Variants in NUCKS1 observed in about 807,000 individuals in gnomAD.
NUCKS1 encodes nuclear ubiquitous casein and cyclin-dependent kinase substrate 1.
NUCKS1 carries 2 observed loss-of-function variants against 33.0 expected under a neutral mutation model. The observed-to-expected ratio is 0.06, with a 90% CI of 0.02 to 0.19. The LOEUF (loss-of-function observed/expected upper bound fraction) is 0.19, where lower values mean the gene tolerates loss of function less well. Ranked by LOEUF, NUCKS1 falls within the 10% of genes least tolerant of loss-of-function variation. NUCKS1 has a pLI of 1.00. For missense variants in NUCKS1, 201 were observed against 293.6 expected (o/e 0.68, Z 2.31); for synonymous variants, 106 against 102.8 (o/e 1.03, Z -0.19).
chr1:205,744,040 G>T (rs1359808788), intron 1 of NUCKS1, among the ~76,000 whole-genome samples: 2 of 152,072 alleles, frequency 1.3e-5, no homozygotes, highest in Admixed American at 1.3e-4. Flanking sequence ...TACTCCACTG[G>T]TTTTTCCTCC....
chr1:205,744,676 A>C (rs1188368674), intron 1 of NUCKS1, among the ~76,000 whole-genome samples: 2 of 103,700 alleles, frequency 1.9e-5, no homozygotes, highest in African/African-American at 7.7e-5. Flanking sequence ...CTTGTTGCCC[A>C]GGCTCCAGTG....
Position 205,718,191 on chromosome 1 carries a change from T to A in NUCKS1, c.*89A>T. The stretch of plus-strand genomic sequence containing the variant: ...AAGCCATAGCCAAAACCATGTTCTA[T>A]CTTAAGTAGGTTCTTTTTTTTCCTC... On this transcript the variant is annotated 3_prime_UTR_variant, in exon 7 of 7. Coordinates refer to ENST00000367142, the MANE Select transcript of NUCKS1 (RefSeq NM_022731.5). 1.3e-6 allele frequency: 2 copies of A among 1,492,790 alleles called. No homozygotes were observed. The highest frequency in any genetic ancestry group is 2.9e-5 in the South Asian group (2 of 67,958). 92.5% of individuals were successfully genotyped at this position (1,492,790 alleles called of 1,614,324 possible).
chr1:205,735,532 A>C (rs1443162966), intron 1 of NUCKS1, among the ~76,000 whole-genome samples: 2 of 152,226 alleles, frequency 1.3e-5, no homozygotes, highest in African/African-American at 4.8e-5. Context: ...GGACAGCATA[A>C]AATTTCAATA....
At chr1:205,727,376 A>T (rs541294323) in intron 3 of NUCKS1, among the ~76,000 whole-genome samples, 1 of 152,344 alleles carries the variant, frequency 6.6e-6, no homozygotes, top group Admixed American at 6.5e-5. Context: ...AGGAGAATTG[A>T]TTATGAGACA....
At chr1:205,724,699 C>G (rs1653682884) in intron 3 of NUCKS1, among the ~76,000 whole-genome samples, 1 of 151,544 alleles carries the variant, frequency 6.6e-6, no homozygotes, top group Non-Finnish European at 1.5e-5. Flanking sequence ...ATCCCCACCC[C>G]CCCCAAAAAA....
Position 205,713,432 on chromosome 1 carries a change from C to T in NUCKS1, c.*4848G>A, listed in dbSNP as rs1671776358. On this transcript the variant is annotated 3_prime_UTR_variant, in exon 7 of 7. Coordinates refer to ENST00000367142, the MANE Select transcript of NUCKS1 (RefSeq NM_022731.5). ...AGAGCTCAGGAGCAGACACGCAGTC[C>T]TGGAAACCCTTCAATAAAAGCAAAG... 1 of 152,064 alleles carries T rather than the reference C, an allele frequency of 6.6e-6. No individual in the cohort carries two copies. 9.4% of individuals were successfully genotyped at this position (152,064 alleles called of 1,614,324 possible). A position where few individuals can be genotyped will look rare whatever the true frequency, so the allele number is the denominator to read the frequency against.
intron 1 of NUCKS1, among the ~76,000 whole-genome samples, chr1:205,746,481 ACACACAC>A (rs1434249133): frequency 7.0e-6 from 1 of 143,428 alleles, no homozygotes; most frequent in African/African-American, 2.5e-5. Context: ...ACACACACAC[ACACACAC>A]TAGAGAATAA....
At chr1:205,747,328 A>G (rs935063071) in intron 1 of NUCKS1, among the ~76,000 whole-genome samples, 5 of 152,218 alleles carry the variant, frequency 3.3e-5, no homozygotes, top group African/African-American at 1.2e-4. Flanking sequence ...TCCAAGGCTA[A>G]TTTTAAGCTA....
intron 5 of NUCKS1, among the ~76,000 whole-genome samples, chr1:205,720,260 T>C (rs1377450168): frequency 6.6e-6 from 1 of 152,222 alleles, no homozygotes; most frequent in Admixed American, 6.5e-5. Flanking sequence ...ATTCAGTGTT[T>C]GAACACAGAC....
chr1:205,744,279 T>C (rs1039166476), intron 1 of NUCKS1, among the ~76,000 whole-genome samples: 2 of 152,206 alleles, frequency 1.3e-5, no homozygotes, highest in Admixed American at 1.3e-4. Context: ...CATCTCTTAA[T>C]AGTTAGGTGA....
Position 205,749,983 on chromosome 1 carries a change from C to G in NUCKS1, c.-10G>C, listed in dbSNP as rs1241102465. ...TGACAGGCCGCGACATGTTCGCTGT[C>G]GAAACAGGACCGAGTCGAGAAGCCA... On this transcript the variant is annotated 5_prime_UTR_variant, in exon 1 of 7. Transcript: ENST00000367142. The G allele has an allele frequency of 1.7e-5, 28 of 1,601,340 alleles. No individual in the cohort carries two copies. The highest frequency in any genetic ancestry group is 2.4e-5 in the Non-Finnish European group (28 of 1,172,872).
intron 1 of NUCKS1, among the ~76,000 whole-genome samples, chr1:205,732,480 C>T (rs1653938823): frequency 6.6e-6 from 1 of 152,032 alleles, no homozygotes; most frequent in African/African-American, 2.4e-5. Context: ...CTGAACTATA[C>T]ACTTAAAAAT....
At chr1:205,742,225 T>C (rs1188995723) in intron 1 of NUCKS1, among the ~76,000 whole-genome samples, 1 of 152,306 alleles carries the variant, frequency 6.6e-6, no homozygotes, top group East Asian at 1.9e-4. Flanking sequence ...GAAATCTCCC[T>C]GAAGATCGCC....
Position 205,717,467 on chromosome 1 carries a change from T to C in NUCKS1, c.*813A>G, listed in dbSNP as rs1671843239. 1 of 981,284 alleles carries C rather than the reference T, an allele frequency of 1.0e-6. No individual in the cohort carries two copies. The highest frequency in any genetic ancestry group is 1.8e-5 in the African/African-American group (1 of 56,420). 60.8% of individuals were successfully genotyped at this position (981,284 alleles called of 1,614,324 possible). A position where few individuals can be genotyped will look rare whatever the true frequency, so the allele number is the denominator to read the frequency against. ...ATACATATATATTTAGAGAAGGAAA[T>C]ATGAAATCAAGAGTTTTGGCAGCCC... On this transcript the variant is annotated 3_prime_UTR_variant, in exon 7 of 7. Coordinates refer to ENST00000367142, the MANE Select transcript of NUCKS1 (RefSeq NM_022731.5).
At chr1:205,745,936 A>C (rs1163384647) in intron 1 of NUCKS1, among the ~76,000 whole-genome samples, 1 of 152,262 alleles carries the variant, frequency 6.6e-6, no homozygotes, top group Admixed American at 6.5e-5. Flanking sequence ...TGAAAATTTT[A>C]AACACTGTAA....
At chr1:205,734,648 C>G (rs1397536708) in intron 1 of NUCKS1, among the ~76,000 whole-genome samples, 1 of 152,178 alleles carries the variant, frequency 6.6e-6, no homozygotes. Context: ...AATCCCAGCA[C>G]TTTGGGAGGC....
chr1:205,723,890 A>G (rs1314021845), intron 4 of NUCKS1, 36 bp downstream of exon 4: 4 of 1,382,506 alleles, frequency 2.9e-6, no homozygotes, highest in East Asian at 2.3e-5. Context: ...ATATACAAAT[A>G]TAATTATACC....
chr1:205,724,046 T>C, intron 3 of NUCKS1, 65 bp from the exon 4 acceptor site: 1 of 1,142,304 alleles, frequency 8.8e-7, no homozygotes, highest in Non-Finnish European at 1.3e-6. Context: ...TGAACATAGA[T>C]CTCTGATTTC....
At chr1:205,744,472 C>T (rs1290975779) in intron 1 of NUCKS1, among the ~76,000 whole-genome samples, 5 of 151,968 alleles carry the variant, frequency 3.3e-5, no homozygotes, top group Non-Finnish European at 7.4e-5. Context: ...TTTTTTTCAG[C>T]TCATGCTGTT....
Sources: allele counts gnomAD v4.1 joint callset (sites outside exome capture counted in the v4.1 genomes callset), GRCh38; gene constraint gnomAD v4.1.1; transcripts MANE v1.5; gene names NCBI Gene and HGNC (gene_info 2026-07-23, HGNC 2026-07-21).